SNRK: variants seen among roughly 807,000 people sequenced by gnomAD.
SNRK encodes the protein SNF-related serine/threonine-protein kinase.
SNRK carries 3 observed loss-of-function variants against 48.2 expected under a neutral mutation model. The observed-to-expected ratio is 0.06, with a 90% CI of 0.03 to 0.16. The LOEUF is 0.16. Ranked by LOEUF, SNRK falls within the 10% of genes least tolerant of loss-of-function variation. The pLI, the probability that SNRK is intolerant of heterozygous loss-of-function variation, is 1.00. For synonymous variants in SNRK, 376 were observed against 366.1 expected, an observed-to-expected ratio of 1.03 and a Z score of -0.31; for missense variants, 627 against 976.0, an observed-to-expected ratio of 0.64 and a Z score of 4.76.
In SNRK at chr3:43,351,059, C is replaced by T. The variant is rs1575567508; in HGVS notation, c.*2502C>T. 1 of 152,672 alleles carries T rather than the reference C, an allele frequency of 6.5e-6. No homozygotes were observed. The highest frequency in any genetic ancestry group is 2.4e-5 in the African/African-American group (1 of 41,548). The allele number at this position is 152,672 out of a possible 1,614,324, so 9.5% of individuals were successfully genotyped here. On this transcript the variant is annotated 3_prime_UTR_variant, in exon 7 of 7. Transcript: ENST00000296088. Reference sequence around the variant, plus strand: ...GCTTCCAATGCTGGTTGATTTCCCTCATTGTGTAAACATTGACAGGTATGT... The same window carrying T: ...GCTTCCAATGCTGGTTGATTTCCCTTATTGTGTAAACATTGACAGGTATGT...
intron 3 of SNRK, among the ~76,000 whole-genome samples, chr3:43,317,862 C>T (rs146212518): frequency 2.0e-5 from 3 of 152,206 alleles, no homozygotes; most frequent in African/African-American, 7.2e-5. Context: ...CTGTTACCTC[C>T]ATTTGTGAAA....
At chr3:43,311,478 A>C (rs577033669) in intron 3 of SNRK, among the ~76,000 whole-genome samples, 1 of 152,304 alleles carries the variant, frequency 6.6e-6, no homozygotes, top group African/African-American at 2.4e-5. Context: ...TGATTCAGTC[A>C]GCTCTCTGGG....
chr3:43,325,545 G>C (rs2091090662), intron 3 of SNRK, among the ~76,000 whole-genome samples: 1 of 151,786 alleles, frequency 6.6e-6, no homozygotes, highest in Admixed American at 6.6e-5. Context: ...TTTAGTTGAT[G>C]GACACTCCAA....
intron 5 of SNRK, among the ~76,000 whole-genome samples, chr3:43,341,824 A>G (rs2091240199): frequency 6.6e-6 from 1 of 152,240 alleles, no homozygotes; most frequent in Admixed American, 6.5e-5. Flanking sequence ...GTCTGTATAA[A>G]GGACACTTTA....
At chr3:43,321,807 T>TA (rs1246519576) in intron 3 of SNRK, among the ~76,000 whole-genome samples, 1 of 152,214 alleles carries the variant, frequency 6.6e-6, no homozygotes, top group Non-Finnish European at 1.5e-5. Context: ...GAAGCAGCTC[T>TA]AAAAGGGGAA....
chr3:43,336,591 C>T (rs9836386), intron 4 of SNRK, among the ~76,000 whole-genome samples: 116,533 of 152,116 alleles, frequency 0.77, 49,473 homozygotes, highest in Non-Finnish European at 0.94. Context: ...CTCTGCCTCC[C>T]GAAGTGCTGG....
At chr3:43,344,853 A>T (rs1283731931) in intron 6 of SNRK, among the ~76,000 whole-genome samples, 5 of 152,156 alleles carry the variant, frequency 3.3e-5, no homozygotes, top group African/African-American at 1.2e-4. Flanking sequence ...CGCCAGGTGC[A>T]CCGAGACTGG....
At chr3:43,288,303 G>C (rs866629010) in intron 1 of SNRK, among the ~76,000 whole-genome samples, 1 of 151,988 alleles carries the variant, frequency 6.6e-6, no homozygotes, top group Non-Finnish European at 1.5e-5. Context: ...TACTCTCACC[G>C]TATTTTTTAA....
chr3:43,334,624 T>TGTTTTTTTTG (rs2091172683), intron 4 of SNRK, among the ~76,000 whole-genome samples: 1 of 151,684 alleles, frequency 6.6e-6, no homozygotes, highest in East Asian at 1.9e-4. Context: ...AGATGGAGTC[T>TGTTTTTTTTG]AGTGGTGTTC....
chr3:43,317,979 A>G (rs1441459982), intron 3 of SNRK, among the ~76,000 whole-genome samples: 7 of 152,212 alleles, frequency 4.6e-5, no homozygotes, highest in African/African-American at 1.2e-4. Context: ...TCAGTCCATC[A>G]GATGTCACTG....
At chr3:43,297,148 C>T (rs2090862095) in intron 1 of SNRK, among the ~76,000 whole-genome samples, 1 of 152,034 alleles carries the variant, frequency 6.6e-6, no homozygotes, top group South Asian at 2.1e-4. Context: ...TCTAGAAGAA[C>T]TTAGTGCATG....
intron 3 of SNRK, among the ~76,000 whole-genome samples, chr3:43,312,728 G>A (rs941149742): frequency 6.6e-6 from 1 of 152,074 alleles, no homozygotes; most frequent in Non-Finnish European, 1.5e-5. Context: ...AAAATTCCTA[G>A]AATATCAAAT....
intron 3 of SNRK, among the ~76,000 whole-genome samples, chr3:43,313,257 G>A (rs2090991670): frequency 6.6e-6 from 1 of 152,098 alleles, no homozygotes; most frequent in Non-Finnish European, 1.5e-5. Flanking sequence ...ACAAAAATCT[G>A]TACATGGATG....
chr3:43,297,704 A>G (rs2090867308), intron 1 of SNRK, among the ~76,000 whole-genome samples: 1 of 152,176 alleles, frequency 6.6e-6, no homozygotes, highest in Non-Finnish European at 1.5e-5. Flanking sequence ...TTGATGTGAA[A>G]AAATGTAAAG....
chr3:43,308,122 A>G (rs1399411843), intron 3 of SNRK, among the ~76,000 whole-genome samples: 2 of 152,206 alleles, frequency 1.3e-5, no homozygotes, highest in Non-Finnish European at 2.9e-5. Context: ...TCTGAGGGCT[A>G]AGAGAGGGGA....
At chr3:43,309,612 G>GTTTTTTTTTTTTTTTTTTTTTT (rs35398476) in intron 3 of SNRK, among the ~76,000 whole-genome samples, 1 of 143,196 alleles carries the variant, frequency 7.0e-6, no homozygotes, top group Admixed American at 7.0e-5. Flanking sequence ...TAGAAATAAG[G>GTTTTTTTTTTTTTTTTTTTTTT]TTTTTTTTTT....
chr3:43,294,646 A>G (rs552389117), intron 1 of SNRK, among the ~76,000 whole-genome samples: 13 of 152,268 alleles, frequency 8.5e-5, no homozygotes, highest in African/African-American at 3.1e-4. Flanking sequence ...CCACCAGTGT[A>G]AGAGAATTCC....
chr3:43,287,631 A>G (rs544506077), intron 1 of SNRK, among the ~76,000 whole-genome samples: 41 of 152,270 alleles, frequency 2.7e-4, no homozygotes, highest in Non-Finnish European at 5.4e-4. Flanking sequence ...TGCCTTAAAC[A>G]TTTTGTCAGG....
At chr3:43,297,748 A>G (rs2090867565) in intron 1 of SNRK, among the ~76,000 whole-genome samples, 1 of 152,184 alleles carries the variant, frequency 6.6e-6, no homozygotes, top group South Asian at 2.1e-4. Flanking sequence ...GCTAAATTTG[A>G]TAGAAAATTA....
Sources: allele counts gnomAD v4.1 joint callset (sites outside exome capture counted in the v4.1 genomes callset), GRCh38; gene constraint gnomAD v4.1.1; transcripts MANE v1.5; gene names NCBI Gene and HGNC (gene_info 2026-07-23, HGNC 2026-07-21).